UBR1: variants seen among roughly 807,000 people sequenced by gnomAD.
The protein encoded by UBR1 is E3 ubiquitin-protein ligase UBR1.
In UBR1, 102 loss-of-function variants were observed where a neutral mutation model predicts 242.1. The observed-to-expected ratio is 0.42, with a 90% CI of 0.36 to 0.50. The LOEUF (loss-of-function observed/expected upper bound fraction) is 0.50, where lower values mean the gene tolerates loss of function less well. UBR1 is among the 20% of genes least tolerant of loss of function. The pLI, the probability that UBR1 is intolerant of heterozygous loss-of-function variation, is 0.01. For missense variants in UBR1, 1,772 were observed against 2,101.8 expected (o/e 0.84, Z 3.07); for synonymous variants, 675 against 684.8 (o/e 0.99, Z 0.22).
chr15:43,046,050 G>A (rs1050506506), intron 14 of UBR1, among the ~76,000 whole-genome samples: 1 of 152,194 alleles, frequency 6.6e-6, no homozygotes, highest in African/African-American at 2.4e-5. Flanking sequence ...ATTGATAAGG[G>A]CAGAAGCCAG....
intron 39 of UBR1, among the ~76,000 whole-genome samples, chr15:42,972,214 A>G (rs1013128025): frequency 6.6e-6 from 1 of 152,048 alleles, no homozygotes; most frequent in Non-Finnish European, 1.5e-5. Flanking sequence ...GCAATCACTA[A>G]TCCTTTCACT....
Position 43,024,846 on chromosome 15 carries a change from C to T in UBR1, c.2722G>A (p.Glu908Lys), listed in dbSNP as rs2033158510. The T allele has an allele frequency of 2.5e-6, 4 of 1,614,162 alleles. No homozygotes were observed. The highest frequency in any genetic ancestry group is 3.4e-6 in the Non-Finnish European group (4 of 1,180,020). The change falls in exon 25 of 47, where the codon GAA (glutamate) becomes AAA (lysine). Residue 908 changes from glutamate to lysine, a missense_variant. This residue lies in a region of UBR1 where 965 missense variants were observed against 1,079.7 expected (regional missense o/e 0.89). Coordinates refer to ENST00000290650, the MANE Select transcript of UBR1 (RefSeq NM_174916.3). ...AAACAAACCATTTGGAGCATCCCTT[C>T]GGTCCACAAGTTAGAATCTGTGTCT... ...AIDTDSNLWT[E>K]GMLQMAFHIL...
chr15:42,974,738 G>A (rs572934835), intron 39 of UBR1, among the ~76,000 whole-genome samples: 2 of 151,994 alleles, frequency 1.3e-5, no homozygotes, highest in African/African-American at 2.4e-5. Context: ...CCTCCCAAAC[G>A]GCTGGGACTA....
chr15:43,016,611 C>CT (rs1185989227), intron 28 of UBR1, among the ~76,000 whole-genome samples: 1 of 152,184 alleles, frequency 6.6e-6, no homozygotes. Flanking sequence ...GAATCTTGCT[C>CT]TGTCACCCTG....
intron 34 of UBR1, among the ~76,000 whole-genome samples, chr15:42,989,735 C>A (rs988400249): frequency 3.9e-5 from 6 of 152,094 alleles, no homozygotes; most frequent in African/African-American, 1.2e-4. Flanking sequence ...TTCTGGTCCT[C>A]TTGTAGGACC....
chr15:43,015,867 A>C lies in UBR1; in HGVS notation c.3030T>G (p.Ile1010Met). 1 of 1,613,802 alleles carries C rather than the reference A, an allele frequency of 6.2e-7. No homozygotes were observed. The highest frequency in any genetic ancestry group is 8.5e-7 in the Non-Finnish European group (1 of 1,179,916). Residue 1010 changes from isoleucine (I) to methionine (M), a missense_variant and splice_region_variant, in exon 29 of 47, where the codon ATT (isoleucine) becomes ATG (methionine). Coordinates refer to ENST00000290650, the MANE Select transcript of UBR1 (RefSeq NM_174916.3). The stretch of plus-strand genomic sequence containing the variant: ...GTTCTGCTTTTTCTTTATCATGAGT[A>C]ATCTGGGTATTAAGAAATGACAAAT... Reference protein sequence around the residue: ...SGSESIKNDEITHDKEKAERK... With the variant: ...SGSESIKNDEMTHDKEKAERK...
intron 43 of UBR1, among the ~76,000 whole-genome samples, chr15:42,959,708 G>A (rs1011999965): frequency 1.3e-5 from 2 of 152,106 alleles, no homozygotes; most frequent in African/African-American, 4.8e-5. Context: ...TTCTCTACTC[G>A]AAGATCTTTT....
At chr15:43,087,332 G>A (rs2034050054) in intron 1 of UBR1, among the ~76,000 whole-genome samples, 1 of 152,066 alleles carries the variant, frequency 6.6e-6, no homozygotes, top group Non-Finnish European at 1.5e-5. Context: ...GTGAACCCAG[G>A]AGGCGGAGCT....
intron 1 of UBR1, 107 bp from the exon 2 acceptor site, chr15:43,086,347 T>C: frequency 2.2e-6 from 3 of 1,367,174 alleles, no homozygotes; most frequent in Non-Finnish European, 3.0e-6. Flanking sequence ...ATTTACAGTA[T>C]ATTTCATCTT....
intron 45 of UBR1, among the ~76,000 whole-genome samples, chr15:42,951,470 C>T (rs2031832331): frequency 6.6e-6 from 1 of 152,112 alleles, no homozygotes; most frequent in South Asian, 2.1e-4. Context: ...GATCTACCTG[C>T]CTCGGGCCTC....
chr15:43,054,546 A>G (rs2033593641), intron 12 of UBR1, among the ~76,000 whole-genome samples, 196 bp downstream of exon 12: 1 of 152,156 alleles, frequency 6.6e-6, no homozygotes, highest in Admixed American at 6.5e-5. Context: ...TTCTTTACTA[A>G]CCAGGTTTTA....
intron 28 of UBR1, 151 bp from the exon 29 acceptor site, chr15:43,016,020 A>G: frequency 1.5e-6 from 1 of 677,944 alleles, no homozygotes; most frequent in Non-Finnish European, 2.5e-6. Context: ...AATTAGCATT[A>G]CAGGCTGCAT....
chr15:43,016,572 T>C (rs977102490), intron 28 of UBR1, among the ~76,000 whole-genome samples: 3 of 152,156 alleles, frequency 2.0e-5, no homozygotes, highest in African/African-American at 4.8e-5. Context: ...TAATAAAATA[T>C]GGTATTTTGG....
intron 1 of UBR1, among the ~76,000 whole-genome samples, chr15:43,094,977 T>C (rs1157935680): frequency 6.6e-6 from 1 of 152,234 alleles, no homozygotes; most frequent in Non-Finnish European, 1.5e-5. Flanking sequence ...CTATTTGTTG[T>C]ATTCTCTTTT....
chr15:42,970,151 G>A (rs972353467), intron 40 of UBR1, among the ~76,000 whole-genome samples: 1 of 152,078 alleles, frequency 6.6e-6, no homozygotes, highest in Non-Finnish European at 1.5e-5. Flanking sequence ...CAGATATATA[G>A]ACCAATGGAA....
Position 42,993,431 on chromosome 15 carries a change from T to C in UBR1, c.3758-3311A>G, listed in dbSNP as rs185850923. On this transcript the variant is annotated intron_variant, in intron 33 of 46. Coordinates refer to ENST00000290650, the MANE Select transcript of UBR1 (RefSeq NM_174916.3). ...CAGGCTAGAGTACAGTGGTGCAATC[T>C]CGGCTCACTGCAACCTCCACCTCCC... Among the ~76,000 whole-genome samples, 1,201 of 151,666 alleles carry C rather than the reference T, an allele frequency of 7.9e-3. 8 individuals carry two copies. Among genetic ancestry groups the C allele is most frequent in the Admixed American group, 0.012 (175 of 15,184 alleles).
At position 43,059,176 on chromosome 15, in the gene UBR1, G is replaced by C; in HGVS notation, c.1002C>G (p.Ile334Met). 1 of 1,614,026 alleles carries C rather than the reference G, an allele frequency of 6.2e-7. No individual in the cohort carries two copies. The highest frequency in any genetic ancestry group is 8.5e-7 in the Non-Finnish European group (1 of 1,179,982). ...IMSYSSDFRQ[I>M]FCQACLREEP... ...CTTCTCTAAGGCATGCTTGGCAAAA[G>C]ATCTGCCTAAAGTCACCTACAAACA... The change falls in exon 9 of 47, where the codon ATC becomes ATG. Residue 334 changes from isoleucine to methionine, a missense_variant. Physicochemically the swap from Ile to Met is conservative, Grantham distance 10 (BLOSUM62 1). Transcript: ENST00000290650.
intron 19 of UBR1, among the ~76,000 whole-genome samples, chr15:43,035,478 G>GT (rs1176132485): frequency 1.4e-4 from 21 of 151,508 alleles, no homozygotes; most frequent in Admixed American, 3.3e-4. Flanking sequence ...GGGGTTGTTT[G>GT]TTTTTTTCTT....
chr15:42,999,465 A>AT (rs568372933), intron 32 of UBR1, among the ~76,000 whole-genome samples: 24 of 152,182 alleles, frequency 1.6e-4, no homozygotes, highest in African/African-American at 5.8e-4. Flanking sequence ...ATTTTGTTTT[A>AT]TTTTTTTATT....
Sources: gnomAD v4.1 joint callset for allele counts (sites outside exome capture counted in the v4.1 genomes callset) on GRCh38, gnomAD v4.1.1 for gene constraint, gnomAD v4.1.1 regional missense constraint, MANE v1.5 for transcripts, NCBI Gene and HGNC (gene_info 2026-07-23, HGNC 2026-07-21) for gene names.